EML6: variants seen among roughly 807,000 people sequenced by gnomAD.
EML6 encodes the protein echinoderm microtubule-associated protein-like 6.
In EML6, 154 loss-of-function variants were observed where a neutral mutation model predicts 240.1. The ratio of observed to expected loss-of-function variants is 0.64; its 90% CI spans 0.56 to 0.73. EML6 has a LOEUF of 0.73. Among genes scored for constraint, EML6 ranks in the 30% least tolerant of loss-of-function variants. The pLI, the probability that EML6 is intolerant of heterozygous loss-of-function variation, is 0.00. For synonymous variants in EML6, 1,148 were observed against 899.0 expected, an observed-to-expected ratio of 1.28 and a Z score of -4.95; for missense variants, 2,964 against 2,474.6, an observed-to-expected ratio of 1.20 and a Z score of -4.20.
intron 17 of EML6, among the ~76,000 whole-genome samples, chr2:54,888,409 A>G (rs2104063705): frequency 6.6e-6 from 1 of 152,324 alleles, no homozygotes; most frequent in Non-Finnish European, 1.5e-5. Flanking sequence ...TCACCATTGT[A>G]TTATATAAAG....
intron 2 of EML6, among the ~76,000 whole-genome samples, chr2:54,740,864 A>T (rs1436886916): frequency 6.6e-6 from 1 of 152,126 alleles, no homozygotes; most frequent in Non-Finnish European, 1.5e-5. Context: ...ACTGATAATG[A>T]CTTTGCAGGT....
chr2:54,802,618 A>ATACTACTAC (rs56119525), intron 2 of EML6, among the ~76,000 whole-genome samples: 15,223 of 139,808 alleles, frequency 0.11, 936 homozygotes, highest in Middle Eastern at 0.14. Context: ...ACCCTGTCTC[A>ATACTACTAC]TACTACTACT....
At chr2:54,876,643 G>T (rs1671521808) in intron 16 of EML6, among the ~76,000 whole-genome samples, 1 of 152,196 alleles carries the variant, frequency 6.6e-6, no homozygotes, top group East Asian at 1.9e-4. Context: ...GTCAATGAAT[G>T]CAACAAGACA....
intron 2 of EML6, among the ~76,000 whole-genome samples, chr2:54,790,581 C>A (rs1669380938): frequency 6.6e-6 from 1 of 152,078 alleles, no homozygotes; most frequent in Non-Finnish European, 1.5e-5. Flanking sequence ...AAGCCAAGGA[C>A]CTACATTTTA....
At chr2:54,939,653 C>A (rs1420633847) in intron 28 of EML6, among the ~76,000 whole-genome samples, 2 of 152,240 alleles carry the variant, frequency 1.3e-5, no homozygotes, top group East Asian at 3.8e-4. Context: ...TCCCCGCTCC[C>A]TGCAGTGCCC....
At chr2:54,960,451 C>A in intron 35 of EML6, 117 bp downstream of exon 35, 2 of 723,046 alleles carry the variant, frequency 2.8e-6, no homozygotes, top group Non-Finnish European at 4.7e-6. Flanking sequence ...GGCCTCAATA[C>A]ATGAATTGTG....
intron 26 of EML6, among the ~76,000 whole-genome samples, chr2:54,918,806 A>G (rs1674068807): frequency 6.6e-6 from 1 of 152,200 alleles, no homozygotes; most frequent in Admixed American, 6.5e-5. Flanking sequence ...GGTCTCTGTC[A>G]TCCTTAATCT....
intron 9 of EML6, among the ~76,000 whole-genome samples, chr2:54,848,751 A>G (rs1040774922): frequency 1.3e-5 from 2 of 152,230 alleles, no homozygotes; most frequent in Non-Finnish European, 2.9e-5. Flanking sequence ...ATTGTAGGGA[A>G]AAAACAACCC....
intron 26 of EML6, among the ~76,000 whole-genome samples, chr2:54,924,502 T>C (rs1229304611): frequency 2.0e-5 from 3 of 152,240 alleles, no homozygotes; most frequent in Non-Finnish European, 4.4e-5. Context: ...GGTTCATGGC[T>C]TAAACTACTA....
chr2:54,869,343 G>A lies in EML6; in HGVS notation c.2214G>A (p.Val738=). 1.3e-6 allele frequency: 2 copies of A among 1,551,416 alleles called. No individual in the cohort carries two copies. Among genetic ancestry groups the A allele is most frequent in the Non-Finnish European group, 1.7e-6 (2 of 1,146,800 alleles). ...DDILSLTIHP[V]KDYVATGQVG... Reference sequence around the variant, plus strand: ...TTCTCAGCCTGACCATCCATCCAGTGAAGGACTATGTGGCTACTGGGCAGG... The same window carrying A: ...TTCTCAGCCTGACCATCCATCCAGTAAAGGACTATGTGGCTACTGGGCAGG... The change falls in exon 15 of 42, where the codon GTG becomes GTA. Residue 738 remains valine, a synonymous_variant. Coordinates refer to ENST00000356458, the MANE Select transcript of EML6 (RefSeq NM_001039753.4).
chr2:54,852,291 T>C (rs950198792), intron 10 of EML6, among the ~76,000 whole-genome samples: 3 of 152,224 alleles, frequency 2.0e-5, no homozygotes, highest in Non-Finnish European at 4.4e-5. Context: ...CTAAAATAAA[T>C]GTCACAAATA....
At position 54,895,397 on chromosome 2, in the gene EML6, T is replaced by C. The variant is rs1008526727; in HGVS notation, c.2979T>C (p.Val993=). ...IDKSGPMTLL[V]QGHMEGEVWG... ...AGAGTGGCCCAATGACACTGCTTGT[T>C]CAGGTACTGTTTGTATGTATTCTAA... The change falls in exon 21 of 42, where the codon GTT becomes GTC. Residue 993 remains valine, a synonymous_variant. Transcript: ENST00000356458. 15 of 1,551,748 alleles carry C rather than the reference T, an allele frequency of 9.7e-6. No individual in the cohort carries two copies. The African/African-American group carries it at 1.9e-4, about 20-fold the overall frequency.
At chr2:54,815,673 C>T (rs1423346130) in intron 3 of EML6, among the ~76,000 whole-genome samples, 1 of 152,120 alleles carries the variant, frequency 6.6e-6, no homozygotes, top group African/African-American at 2.4e-5. Flanking sequence ...AAAGAAATTT[C>T]TTAAGGACAC....
intron 24 of EML6, among the ~76,000 whole-genome samples, chr2:54,910,581 A>C (rs1655598396): frequency 6.6e-6 from 1 of 152,246 alleles, no homozygotes; most frequent in Non-Finnish European, 1.5e-5. Flanking sequence ...TTCCAATGAC[A>C]TAATTCTTGC....
At chr2:54,846,140 C>T (rs2103701460) in intron 8 of EML6, among the ~76,000 whole-genome samples, 1 of 152,228 alleles carries the variant, frequency 6.6e-6, no homozygotes, top group East Asian at 1.9e-4. Context: ...GCTTACTGGC[C>T]AGGAGTCCTG....
intron 28 of EML6, among the ~76,000 whole-genome samples, chr2:54,937,720 T>A (rs7600676): frequency 0.32 from 48,454 of 151,842 alleles, 8,014 homozygotes; most frequent in African/African-American, 0.34. Context: ...TTTTATCCAG[T>A]TATTCAGCTG....
intron 17 of EML6, chr2:54,881,407 C>G (rs1401380518): frequency 6.6e-6 from 1 of 152,050 alleles, no homozygotes; most frequent in Non-Finnish European, 1.5e-5. Flanking sequence ...GTAATCCCAG[C>G]ACTTTGTGAG....
chr2:54,841,232 C>T (rs1230391230), intron 7 of EML6, among the ~76,000 whole-genome samples: 2 of 152,202 alleles, frequency 1.3e-5, no homozygotes, highest in Non-Finnish European at 2.9e-5. Flanking sequence ...CCTTGAAAGC[C>T]CATCCTGATG....
At chr2:54,827,523 G>T in intron 5 of EML6, 43 bp from the exon 6 acceptor site, 1 of 1,474,428 alleles carries the variant, frequency 6.8e-7, no homozygotes, top group South Asian at 1.2e-5. Context: ...CAATACATCC[G>T]AATACTCTAT....
Sources: gnomAD v4.1 joint callset for allele counts (sites outside exome capture counted in the v4.1 genomes callset) on GRCh38, gnomAD v4.1.1 for gene constraint, MANE v1.5 for transcripts, NCBI Gene and HGNC (gene_info 2026-07-23, HGNC 2026-07-21) for gene names.